PARD3B: variants seen among roughly 807,000 people sequenced by gnomAD.
PARD3B encodes the protein par-3 family cell polarity regulator beta.
PARD3B carries 103 observed loss-of-function variants against 130.2 expected under a neutral mutation model. The observed-to-expected ratio is 0.79, with a 90% CI of 0.67 to 0.93. The LOEUF is 0.93. PARD3B is among the 40% of genes least tolerant of loss of function. The pLI is 0.00. For missense variants in PARD3B, 1,609 were observed against 1,499.2 expected (o/e 1.07, Z -1.21); for synonymous variants, 583 against 553.2 (o/e 1.05, Z -0.76).
At chr2:205,152,656 T>C (rs1054923731) in intron 10 of PARD3B, among the ~76,000 whole-genome samples, 1 of 152,174 alleles carries the variant, frequency 6.6e-6, no homozygotes, top group African/African-American at 2.4e-5. Flanking sequence ...GCCATTCGTC[T>C]AATCTTTTTT....
intron 20 of PARD3B, among the ~76,000 whole-genome samples, chr2:205,442,299 T>TC (rs1293422796): frequency 2.1e-5 from 3 of 142,828 alleles, no homozygotes; most frequent in East Asian, 2.0e-4. Context: ...CCTTTTTTTT[T>TC]TTTTTTTTTT....
intron 2 of PARD3B, among the ~76,000 whole-genome samples, chr2:204,844,646 G>C (rs2044391588): frequency 6.6e-6 from 1 of 152,118 alleles, no homozygotes; most frequent in African/African-American, 2.4e-5. Context: ...ATAGTGACTT[G>C]CATGTGAATA....
At chr2:204,607,040 G>A (rs2033747951) in intron 1 of PARD3B, among the ~76,000 whole-genome samples, 1 of 152,090 alleles carries the variant, frequency 6.6e-6, no homozygotes, top group Non-Finnish European at 1.5e-5. Flanking sequence ...ATTTCTGGCA[G>A]CATACCAGAA....
intron 20 of PARD3B, among the ~76,000 whole-genome samples, chr2:205,492,724 C>G (rs1328473646): frequency 6.6e-6 from 1 of 152,006 alleles, no homozygotes; most frequent in Non-Finnish European, 1.5e-5. Flanking sequence ...ATAACTTTAC[C>G]TGGATATTTA....
chr2:205,500,421 A>G (rs1038104084), intron 21 of PARD3B, among the ~76,000 whole-genome samples: 2 of 152,164 alleles, frequency 1.3e-5, no homozygotes, highest in Non-Finnish European at 2.9e-5. Flanking sequence ...ATTGTCAGAG[A>G]TGTCAGTTGT....
At chr2:204,915,688 C>T (rs1216614311) in intron 2 of PARD3B, among the ~76,000 whole-genome samples, 2 of 152,180 alleles carry the variant, frequency 1.3e-5, no homozygotes, top group East Asian at 3.9e-4. Context: ...ATATCTGAAA[C>T]GATGCTAACA....
At chr2:205,579,084 GC>G (rs2053868298) in intron 22 of PARD3B, among the ~76,000 whole-genome samples, 2 of 152,108 alleles carry the variant, frequency 1.3e-5, no homozygotes. Context: ...CCATAAAACA[GC>G]TTTTTGAAGC....
intron 22 of PARD3B, among the ~76,000 whole-genome samples, chr2:205,594,295 G>GAGT (rs1201646697): frequency 7.9e-5 from 12 of 152,180 alleles, no homozygotes; most frequent in African/African-American, 2.9e-4. Flanking sequence ...CGCTTGCCTG[G>GAGT]AGTTATTTAG....
intron 20 of PARD3B, among the ~76,000 whole-genome samples, chr2:205,477,141 A>G (rs2049050437): frequency 6.6e-6 from 1 of 152,218 alleles, no homozygotes; most frequent in African/African-American, 2.4e-5. Context: ...TGAACTCTGC[A>G]AACGTTTCCT....
chr2:204,823,294 C>T (rs1161196198), intron 2 of PARD3B, among the ~76,000 whole-genome samples: 2 of 151,992 alleles, frequency 1.3e-5, no homozygotes, highest in East Asian at 1.9e-4. Flanking sequence ...TTATATATTA[C>T]ATGTACTATT....
rs996195287 is a variant in PARD3B at position 205,265,044 on chromosome 2, A to T, written c.2185+19222A>T. Among the ~76,000 whole-genome samples the T allele has an allele frequency of 7.0e-6, 1 of 142,968 alleles. No homozygotes were observed. The highest frequency in any genetic ancestry group is 1.6e-5 in the Non-Finnish European group (1 of 63,566). The allele number at this position is 142,968 out of a possible 152,430, so 93.8% of individuals were successfully genotyped here. On this transcript the variant is annotated intron_variant, in intron 16 of 22. Coordinates refer to ENST00000406610, the MANE Select transcript of PARD3B (RefSeq NM_001302769.2). This position sits in a 1 kb window ranked among gnomAD's most constrained non-coding sequence, Gnocchi z 4.3. ...TACTTTAACTTTTGCTTCCCTCGGA[A>T]CAACCAGGGAAAAATATCAACAGCG...
chr2:205,422,331 C>T lies in PARD3B; in HGVS notation c.2742-18039C>T, dbSNP rs1184425833. 2.0e-5 allele frequency among the ~76,000 whole-genome samples: 3 copies of T among 152,084 alleles called. No homozygotes were observed. In the East Asian group the frequency reaches 5.8e-4, roughly 29 times the overall value. On this transcript the variant is annotated intron_variant, in intron 19 of 22. Coordinates refer to ENST00000406610, the MANE Select transcript of PARD3B (RefSeq NM_001302769.2). ...CCGAGTGGATAGCGTCACAGATCAT[C>T]GTAGGGAGCTTAGATTTTATCTAAG...
intron 3 of PARD3B, among the ~76,000 whole-genome samples, chr2:205,031,561 G>C (rs1697425513): frequency 6.6e-6 from 1 of 152,270 alleles, no homozygotes; most frequent in South Asian, 2.1e-4. Flanking sequence ...TTTGGAGTGA[G>C]TGGTAGGCCT....
At chr2:204,761,363 T>A (rs961018032) in intron 2 of PARD3B, among the ~76,000 whole-genome samples, 1 of 152,204 alleles carries the variant, frequency 6.6e-6, no homozygotes, top group African/African-American at 2.4e-5. Flanking sequence ...TTCAGTTTCC[T>A]TGCTGAAAGA....
chr2:204,923,429 C>T (rs1243845597), intron 2 of PARD3B, among the ~76,000 whole-genome samples: 3 of 151,736 alleles, frequency 2.0e-5, no homozygotes, highest in African/African-American at 4.8e-5. Flanking sequence ...AAATAAATTG[C>T]ATTAATAGCT....
chr2:205,490,942 C>G (rs2049679944), intron 20 of PARD3B, among the ~76,000 whole-genome samples: 1 of 152,124 alleles, frequency 6.6e-6, no homozygotes. Flanking sequence ...CCTTCGCCCA[C>G]TTTTTGATGG....
intron 11 of PARD3B, among the ~76,000 whole-genome samples, chr2:205,161,401 A>G (rs1469299805): frequency 2.0e-5 from 3 of 152,192 alleles, no homozygotes; most frequent in Non-Finnish European, 4.4e-5. Flanking sequence ...AGTAAGAGGC[A>G]TCAGTCATGA....
intron 22 of PARD3B, among the ~76,000 whole-genome samples, chr2:205,586,403 T>C (rs914706018): frequency 1.3e-5 from 2 of 152,186 alleles, no homozygotes; most frequent in Non-Finnish European, 2.9e-5. Flanking sequence ...AGGCTATTAT[T>C]CCATTATGAT....
At chr2:205,154,879 C>T (rs2034010166) in intron 10 of PARD3B, among the ~76,000 whole-genome samples, 1 of 152,094 alleles carries the variant, frequency 6.6e-6, no homozygotes, top group Non-Finnish European at 1.5e-5. Flanking sequence ...GGGAACTTCA[C>T]ACCCAGGCCT....
Sources: gnomAD v4.1 joint callset for allele counts (sites outside exome capture counted in the v4.1 genomes callset) on GRCh38, gnomAD v4.1.1 for gene constraint, Gnocchi (gnomAD v3.1) non-coding constraint, MANE v1.5 for transcripts, NCBI Gene and HGNC (gene_info 2026-07-23, HGNC 2026-07-21) for gene names.